Variants in CEP128 observed in about 807,000 individuals in gnomAD.
CEP128 encodes the protein centrosomal protein 128kDa.
In CEP128, 132 loss-of-function variants were observed where a neutral mutation model predicts 156.7. The ratio of observed to expected loss-of-function variants is 0.84; its 90% CI spans 0.73 to 0.97. The LOEUF (loss-of-function observed/expected upper bound fraction) is 0.97, where lower values mean the gene tolerates loss of function less well. CEP128 is among the 50% of genes least tolerant of loss of function. The pLI is 0.00. For synonymous variants in CEP128, 469 were observed against 448.9 expected (o/e 1.04, Z -0.57); for missense variants, 1,252 against 1,281.9 (o/e 0.98, Z 0.36).
At chr14:80,670,234 A>G (rs995669802) in intron 19 of CEP128, among the ~76,000 whole-genome samples, 60 of 152,292 alleles carry the variant, frequency 3.9e-4, no homozygotes, top group Admixed American at 3.9e-3. Flanking sequence ...TCGAAACTAT[A>G]TTACTATCCA....
In CEP128 at chr14:80,735,319, T is replaced by C. The variant is rs182559700; in HGVS notation, c.2806+7756A>G. Among the ~76,000 whole-genome samples, 82 of 152,326 alleles carry C rather than the reference T, an allele frequency of 5.4e-4. 1 individual carries two copies. In the East Asian group the frequency reaches 7.5e-3, roughly 14 times the overall value. The stretch of plus-strand genomic sequence containing the variant: ...TCCATGTAACTTCTTTGAATTTTCA[T>C]AGTATATTTGAAGAAAGAATATCAA... On this transcript the variant is annotated intron_variant, in intron 19 of 24. Coordinates refer to ENST00000555265, the MANE Select transcript of CEP128 (RefSeq NM_152446.5).
At chr14:80,588,355 C>G (rs1442655323) in intron 19 of CEP128, among the ~76,000 whole-genome samples, 3 of 151,994 alleles carry the variant, frequency 2.0e-5, no homozygotes, top group Non-Finnish European at 4.4e-5. Context: ...TGGTACATCA[C>G]AATGTAAATA....
At chr14:80,681,007 G>A (rs55788709) in intron 19 of CEP128, among the ~76,000 whole-genome samples, 23,490 of 151,966 alleles carry the variant, frequency 0.15, 2,044 homozygotes, top group East Asian at 0.26. Flanking sequence ...TATACTATAC[G>A]TATATACCAT....
chr14:80,582,344 C>T (rs1006668432), intron 19 of CEP128, among the ~76,000 whole-genome samples: 1 of 152,246 alleles, frequency 6.6e-6, no homozygotes, highest in African/African-American at 2.4e-5. Flanking sequence ...ATTTGAATAA[C>T]ATGTATTTAG....
intron 19 of CEP128, among the ~76,000 whole-genome samples, chr14:80,699,663 CTATTAAA>C (rs1897006327): frequency 2.9e-4 from 1 of 3,496 alleles, no homozygotes; most frequent in Non-Finnish European, 5.5e-4. Flanking sequence ...GAGATTAAAC[CTATTAAA>C]CCTGAACAAA....
chr14:80,739,941 T>C (rs574287100), intron 19 of CEP128, among the ~76,000 whole-genome samples: 2 of 152,278 alleles, frequency 1.3e-5, no homozygotes, highest in African/African-American at 4.8e-5. Flanking sequence ...CTGCCAAATA[T>C]TTGCTGATTT....
At chr14:80,485,988 T>A (rs1476666625), downstream of CEP128, among the ~76,000 whole-genome samples, 1 of 152,246 alleles carries the variant, frequency 6.6e-6, no homozygotes, top group Non-Finnish European at 1.5e-5. Flanking sequence ...TGAGGAGCTA[T>A]GCTGTTTGCT....
intron 4 of CEP128, among the ~76,000 whole-genome samples, chr14:80,913,375 C>T (rs570367908): frequency 6.6e-6 from 1 of 152,280 alleles, no homozygotes; most frequent in South Asian, 2.1e-4. Flanking sequence ...AAGTGATATA[C>T]ATTATTAAAT....
intron 24 of CEP128, among the ~76,000 whole-genome samples, chr14:80,498,586 A>T (rs892521085): frequency 6.6e-6 from 1 of 151,966 alleles, no homozygotes; most frequent in African/African-American, 2.4e-5. Flanking sequence ...TTCCCATCCA[A>T]TTTCAACTCA....
chr14:80,651,960 C>T (rs879882920), intron 19 of CEP128, among the ~76,000 whole-genome samples: 2 of 151,922 alleles, frequency 1.3e-5, no homozygotes, highest in Admixed American at 6.6e-5. Context: ...GAGTTCAAGT[C>T]CTGAATATCC....
intron 19 of CEP128, among the ~76,000 whole-genome samples, chr14:80,637,753 G>A (rs1238966407): frequency 6.6e-6 from 1 of 152,190 alleles, no homozygotes; most frequent in Non-Finnish European, 1.5e-5. Flanking sequence ...TCCTTGAAAT[G>A]AGGTTATCCT....
At chr14:80,894,111 G>A (rs1049789453) in intron 8 of CEP128, among the ~76,000 whole-genome samples, 4 of 151,550 alleles carry the variant, frequency 2.6e-5, no homozygotes, top group Non-Finnish European at 5.9e-5. Flanking sequence ...TGACTTCTTA[G>A]GTCAAAAAAG....
intron 19 of CEP128, among the ~76,000 whole-genome samples, chr14:80,695,751 T>C (rs540663118): frequency 1.7e-4 from 25 of 151,264 alleles, no homozygotes; most frequent in Middle Eastern, 6.9e-3. Flanking sequence ...TGTGTTCAGG[T>C]AATATCAAGT....
At chr14:80,499,379 A>C (rs1263172566) in intron 24 of CEP128, among the ~76,000 whole-genome samples, 1 of 152,220 alleles carries the variant, frequency 6.6e-6, no homozygotes, top group Non-Finnish European at 1.5e-5. Context: ...TTCTTTTTAT[A>C]GCAATGTAAA....
Position 80,916,449 on chromosome 14 carries a change from A to G in CEP128, c.99T>C (p.Pro33=), listed in dbSNP as rs1173644704. The G allele has an allele frequency of 1.1e-5, 18 of 1,614,014 alleles. No homozygotes were observed. Among genetic ancestry groups the G allele is most frequent in the Middle Eastern group, 1.6e-4 (1 of 6,084 alleles). ...RSTHRGTRSL[P]TVEVTEKVNT... is the part of the protein sequence containing the mutation. Reference sequence around the variant, plus strand: ...TGACCTTCTCGGTAACTTCTACTGTAGGAAGACTTCGAGTTCCCCTGTGCG... The same window carrying G: ...TGACCTTCTCGGTAACTTCTACTGTGGGAAGACTTCGAGTTCCCCTGTGCG... The change falls in exon 3 of 25, where the codon CCT becomes CCC. Residue 33 remains proline (P), a synonymous_variant. Coordinates refer to ENST00000555265, the MANE Select transcript of CEP128 (RefSeq NM_152446.5).
chr14:80,809,060 T>C (rs772339311), intron 13 of CEP128, among the ~76,000 whole-genome samples: 1 of 151,996 alleles, frequency 6.6e-6, no homozygotes, highest in Non-Finnish European at 1.5e-5. Context: ...CAATTCAAAA[T>C]TGTGAAACTA....
chr14:80,745,868 T>C (rs567606630), intron 18 of CEP128, among the ~76,000 whole-genome samples: 2 of 151,940 alleles, frequency 1.3e-5, no homozygotes, highest in Non-Finnish European at 2.9e-5. Context: ...AGTAATTCCA[T>C]TAAAAAAATC....
At chr14:80,529,325 A>C (rs970145475) in intron 22 of CEP128, among the ~76,000 whole-genome samples, 1 of 152,210 alleles carries the variant, frequency 6.6e-6, no homozygotes, top group African/African-American at 2.4e-5. Context: ...GACTCTCCCA[A>C]AAAATTTTAC....
At chr14:80,617,217 AT>A (rs1372008627) in intron 19 of CEP128, among the ~76,000 whole-genome samples, 1 of 43,140 alleles carries the variant, frequency 2.3e-5, no homozygotes. Context: ...TGTGAATATC[AT>A]CTTTTTTTTT....
Sources: allele counts gnomAD v4.1 joint callset (sites outside exome capture counted in the v4.1 genomes callset), GRCh38; gene constraint gnomAD v4.1.1; transcripts MANE v1.5; gene names NCBI Gene and HGNC (gene_info 2026-07-23, HGNC 2026-07-21).